The following TSHZ2 variants were observed in gnomAD, a reference collection of about 807,000 sequenced individuals.
TSHZ2 encodes teashirt homolog 2.
Under a neutral mutation model 74.4 loss-of-function variants are expected in TSHZ2, and 21 were observed. The ratio of observed to expected loss-of-function variants is 0.28; its 90% CI spans 0.20 to 0.41. TSHZ2 has a LOEUF of 0.41. TSHZ2 is among the 10% of genes least tolerant of loss of function. TSHZ2 has a pLI of 1.00. For missense variants in TSHZ2, 1,244 were observed against 1,293.5 expected (o/e 0.96, Z 0.59); for synonymous variants, 540 against 515.3 (o/e 1.05, Z -0.65).
intron 1 of TSHZ2, among the ~76,000 whole-genome samples, chr20:53,122,506 A>C (rs147057907): frequency 1.0e-3 from 159 of 152,114 alleles, no homozygotes; most frequent in African/African-American, 3.7e-3. Flanking sequence ...CTTCAATTTT[A>C]ATCTTTTACG....
At chr20:53,330,824 A>G (rs1979695838) in intron 2 of TSHZ2, among the ~76,000 whole-genome samples, 1 of 152,202 alleles carries the variant, frequency 6.6e-6, no homozygotes, top group African/African-American at 2.4e-5. Flanking sequence ...TTATTCAAAT[A>G]TGTTTATCTG....
chr20:53,230,860 C>T (rs145978591), intron 1 of TSHZ2, among the ~76,000 whole-genome samples: 55 of 151,926 alleles, frequency 3.6e-4, no homozygotes, highest in African/African-American at 1.2e-3. Context: ...CCACTGCACT[C>T]CAGCCCAGGT....
chr20:53,119,653 A>G (rs1261979237), intron 1 of TSHZ2, among the ~76,000 whole-genome samples: 2 of 152,378 alleles, frequency 1.3e-5, no homozygotes, highest in East Asian at 3.9e-4. Context: ...GACAATGTTT[A>G]TATCAATTAT....
intron 1 of TSHZ2, among the ~76,000 whole-genome samples, chr20:53,064,298 G>A (rs1392488407): frequency 1.3e-5 from 2 of 152,114 alleles, no homozygotes; most frequent in African/African-American, 2.4e-5. Flanking sequence ...GCCAGAACCC[G>A]GACACCTCTT....
intron 2 of TSHZ2, among the ~76,000 whole-genome samples, chr20:53,282,660 A>G (rs1743516260): frequency 6.6e-6 from 1 of 152,238 alleles, no homozygotes; most frequent in Middle Eastern, 3.2e-3. Context: ...TGACAGAGTT[A>G]GGATTTAAGG....
intron 2 of TSHZ2, among the ~76,000 whole-genome samples, chr20:53,347,388 G>A (rs1420528853): frequency 6.6e-6 from 1 of 152,082 alleles, no homozygotes; most frequent in Non-Finnish European, 1.5e-5. Context: ...AAGTGATAAT[G>A]CCTGTGACCC....
At position 53,489,438 on chromosome 20, in the gene TSHZ2, C is replaced by T. The variant is rs1483462386; in HGVS notation, c.*2303C>T. ...TGCATTAGTATTGGGGTTCTCGTAG[C>T]TGTTAAAAATTGTCTGCTCCAATCC... On this transcript the variant is annotated 3_prime_UTR_variant, in exon 3 of 3. Transcript: ENST00000371497. 1 of 316,766 alleles carries T rather than the reference C, an allele frequency of 3.2e-6. No individual in the cohort carries two copies. Among genetic ancestry groups the T allele is most frequent in the Non-Finnish European group, 6.2e-6 (1 of 161,428 alleles). 19.6% of individuals were successfully genotyped at this position (316,766 alleles called of 1,614,324 possible). A position where few individuals can be genotyped will look rare whatever the true frequency, so the allele number is the denominator to read the frequency against.
At chr20:53,293,981 G>A (rs575464170) in intron 2 of TSHZ2, among the ~76,000 whole-genome samples, 62 of 152,236 alleles carry the variant, frequency 4.1e-4, no homozygotes, top group African/African-American at 1.3e-3. Context: ...TCATGCCACT[G>A]CACTCCAGCC....
At chr20:53,003,921 C>T (rs887771190) in intron 1 of TSHZ2, among the ~76,000 whole-genome samples, 37 of 150,212 alleles carry the variant, frequency 2.5e-4, no homozygotes, top group African/African-American at 8.6e-4. Flanking sequence ...TATTTCTTTC[C>T]GTAAGCTGTG....
At chr20:53,360,972 G>T (rs897607100) in intron 2 of TSHZ2, among the ~76,000 whole-genome samples, 1 of 152,228 alleles carries the variant, frequency 6.6e-6, no homozygotes, top group Admixed American at 6.5e-5. Flanking sequence ...TCTCCCTCTG[G>T]GGGGCTAGTT....
chr20:53,217,313 A>G (rs984506814), intron 1 of TSHZ2, among the ~76,000 whole-genome samples: 3 of 152,168 alleles, frequency 2.0e-5, no homozygotes, highest in Non-Finnish European at 4.4e-5. Context: ...CAGGGAGCAG[A>G]AGGGGCCTGG....
chr20:53,142,582 A>C (rs1397840494), intron 1 of TSHZ2, among the ~76,000 whole-genome samples: 1 of 152,228 alleles, frequency 6.6e-6, no homozygotes, highest in Admixed American at 6.5e-5. Context: ...TACCTGAACC[A>C]GTCAGCACAC....
At chr20:53,324,596 G>A (rs6126813) in intron 2 of TSHZ2, among the ~76,000 whole-genome samples, 22,025 of 151,910 alleles carry the variant, frequency 0.14, 2,071 homozygotes, top group South Asian at 0.26. Flanking sequence ...GGCTGGTCTC[G>A]AACTCTTGAG....
chr20:53,220,475 T>C (rs529061101), intron 1 of TSHZ2, among the ~76,000 whole-genome samples: 1 of 152,348 alleles, frequency 6.6e-6, no homozygotes, highest in East Asian at 1.9e-4. Context: ...GTTTGTGTTT[T>C]TTGTTTTTCT....
intron 2 of TSHZ2, among the ~76,000 whole-genome samples, chr20:53,302,266 G>A (rs1254947960): frequency 2.6e-5 from 4 of 152,140 alleles, no homozygotes; most frequent in East Asian, 3.8e-4. Flanking sequence ...GGTTTTGCCC[G>A]ATGTTAGCAA....
At chr20:53,096,771 G>T (rs1309745886) in intron 1 of TSHZ2, among the ~76,000 whole-genome samples, 2 of 151,626 alleles carry the variant, frequency 1.3e-5, no homozygotes, top group Non-Finnish European at 2.9e-5. Flanking sequence ...AATCCCAGCT[G>T]CTCAGGAGGC....
intron 1 of TSHZ2, among the ~76,000 whole-genome samples, chr20:53,092,993 A>T (rs1600685970): frequency 6.6e-6 from 1 of 152,306 alleles, no homozygotes; most frequent in East Asian, 1.9e-4. Context: ...TGAGCCGGAT[A>T]TGGCCCTGGG....
At chr20:52,997,262 G>GGC (rs546405037) in intron 1 of TSHZ2, among the ~76,000 whole-genome samples, 2 of 135,464 alleles carry the variant, frequency 1.5e-5, no homozygotes, top group Admixed American at 7.0e-5. Context: ...CTTGCCCCGG[G>GGC]GGGGGGTTCA....
chr20:53,361,144 TAAAG>T (rs1226458180), intron 2 of TSHZ2, among the ~76,000 whole-genome samples: 2 of 152,184 alleles, frequency 1.3e-5, no homozygotes, highest in African/African-American at 4.8e-5. Flanking sequence ...CATCAGTAAA[TAAAG>T]AACACCCCCC....
Sources: allele counts gnomAD v4.1 joint callset (sites outside exome capture counted in the v4.1 genomes callset), GRCh38; gene constraint gnomAD v4.1.1; transcripts MANE v1.5; gene names NCBI Gene and HGNC (gene_info 2026-07-23, HGNC 2026-07-21).